Variants in SNAP91 observed in about 807,000 individuals in gnomAD.
SNAP91 encodes the protein synaptosome associated protein 91, also known as clathrin coat assembly protein AP180.
Under a neutral mutation model 100.3 loss-of-function variants are expected in SNAP91, and 27 were observed. That is an observed-to-expected ratio of 0.27 (90% CI 0.20 to 0.37). The LOEUF is 0.37. SNAP91 is among the 10% of genes least tolerant of loss of function. SNAP91 has a pLI of 1.00. For missense variants in SNAP91, 986 were observed against 1,123.7 expected (o/e 0.88, Z 1.75); for synonymous variants, 404 against 398.6 (o/e 1.01, Z -0.16).
chr6:83,560,030 T>C (rs1008538416), intron 28 of SNAP91, 74 bp downstream of exon 28: 1 of 1,296,420 alleles, frequency 7.7e-7, no homozygotes, highest in African/African-American at 1.5e-5. Context: ...AAACACTTTT[T>C]AAACAGTTTG....
At chr6:83,674,403 C>CA (rs1328707232) in intron 2 of SNAP91, among the ~76,000 whole-genome samples, 2 of 151,978 alleles carry the variant, frequency 1.3e-5, no homozygotes, top group Admixed American at 6.6e-5. Flanking sequence ...CACTGCACTC[C>CA]AGCCCGGGCG....
chr6:83,634,071 T>A (rs2097328190), intron 8 of SNAP91, among the ~76,000 whole-genome samples: 1 of 152,118 alleles, frequency 6.6e-6, no homozygotes, highest in African/African-American at 2.4e-5. Context: ...CTGCACGTTG[T>A]GCACATGTAC....
At chr6:83,607,532 T>C (rs879746555) in intron 13 of SNAP91, among the ~76,000 whole-genome samples, 167 bp downstream of exon 13, 5 of 152,190 alleles carry the variant, frequency 3.3e-5, no homozygotes, top group Non-Finnish European at 5.9e-5. Flanking sequence ...GTCTTTCTAA[T>C]GATTTAAGAG....
intron 22 of SNAP91, among the ~76,000 whole-genome samples, chr6:83,583,696 G>T (rs577182039): frequency 2.0e-5 from 3 of 152,178 alleles, no homozygotes; most frequent in Admixed American, 1.3e-4. Flanking sequence ...CAGCCACATT[G>T]TCTCTTCTTC....
chr6:83,637,734 CAAGAACCTGCACCAGCAT>C (rs1585035238), intron 8 of SNAP91, among the ~76,000 whole-genome samples: 2 of 152,222 alleles, frequency 1.3e-5, no homozygotes, highest in East Asian at 3.8e-4. Context: ...TACATTTGTA[CAAGAACCTGCACCAGCAT>C]AAGAACCTAA....
At position 83,601,368 on chromosome 6, in the gene SNAP91, G is replaced by GGTA; in HGVS notation, c.1224_1226dup (p.Thr409dup). 1.2e-6 allele frequency: 2 copies of GGTA among 1,613,588 alleles called. No individual in the cohort carries two copies. The highest frequency in any genetic ancestry group is 1.7e-6 in the Non-Finnish European group (2 of 1,179,768). ...CAATTTCAGCAGTTGTAGTAGGAGG[G>GGTA]GTAGGTTCTGGTGCAAATGGATCTG... is the stretch of plus-strand genomic sequence containing the variant. On this transcript the variant is annotated inframe_insertion, in exon 16 of 30. Coordinates refer to ENST00000369694, the MANE Select transcript of SNAP91 (RefSeq NM_001242792.2).
At chr6:83,586,678 T>A (rs1425636993) in intron 22 of SNAP91, among the ~76,000 whole-genome samples, 2 of 152,200 alleles carry the variant, frequency 1.3e-5, no homozygotes, top group Non-Finnish European at 2.9e-5. Flanking sequence ...TTTTATTATT[T>A]AAAAACTTAA....
At chr6:83,672,022 A>T (rs2098794477) in intron 2 of SNAP91, among the ~76,000 whole-genome samples, 1 of 152,128 alleles carries the variant, frequency 6.6e-6, no homozygotes, top group Non-Finnish European at 1.5e-5. Context: ...ACTGCTGTCC[A>T]TTTAATAAAA....
chr6:83,679,137 G>C (rs1043038759), intron 2 of SNAP91, among the ~76,000 whole-genome samples: 1 of 151,988 alleles, frequency 6.6e-6, no homozygotes, highest in Non-Finnish European at 1.5e-5. Flanking sequence ...ATTGTATTAG[G>C]TATTATAAGT....
chr6:83,588,981 A>G (rs2093317884), intron 22 of SNAP91, among the ~76,000 whole-genome samples: 1 of 152,170 alleles, frequency 6.6e-6, no homozygotes, highest in Admixed American at 6.5e-5. Context: ...GAGAGAAAGA[A>G]AGAATTCATA....
At chr6:83,669,490 T>C (rs1052803627) in intron 2 of SNAP91, among the ~76,000 whole-genome samples, 1 of 152,024 alleles carries the variant, frequency 6.6e-6, no homozygotes, top group East Asian at 1.9e-4. Context: ...AACAGCTTTA[T>C]TGAAGTATAG....
At chr6:83,575,955 T>C in intron 25 of SNAP91, 68 bp downstream of exon 25, 1 of 807,172 alleles carries the variant, frequency 1.2e-6, no homozygotes, top group Non-Finnish European at 2.0e-6. Context: ...ATGAGTAAAA[T>C]GGTTGATAGT....
chr6:83,585,530 T>TA (rs762315224), intron 22 of SNAP91, among the ~76,000 whole-genome samples: 155 of 49,746 alleles, frequency 3.1e-3, no homozygotes, highest in Middle Eastern at 0.023. Context: ...CCTTGTTGCT[T>TA]AAAAAAAAAA....
chr6:83,630,111 C>T (rs1464155201), intron 8 of SNAP91, among the ~76,000 whole-genome samples: 2 of 151,878 alleles, frequency 1.3e-5, no homozygotes, highest in African/African-American at 2.4e-5. Flanking sequence ...GAGATGATCA[C>T]GTGATTTTTA....
chr6:83,703,819 G>T (rs755371231), intron 2 of SNAP91, among the ~76,000 whole-genome samples: 6 of 152,144 alleles, frequency 3.9e-5, no homozygotes, highest in African/African-American at 1.2e-4. Context: ...AACCAAATTG[G>T]CTTTTCATAA....
At chr6:83,625,173 C>T (rs1028160069) in intron 8 of SNAP91, among the ~76,000 whole-genome samples, 5 of 152,042 alleles carry the variant, frequency 3.3e-5, no homozygotes, top group Admixed American at 2.6e-4. Context: ...AGTTCACTTA[C>T]GATAATGGCC....
chr6:83,565,585 A>G (rs1562116661), intron 26 of SNAP91, among the ~76,000 whole-genome samples: 1 of 152,134 alleles, frequency 6.6e-6, no homozygotes, highest in Non-Finnish European at 1.5e-5. Flanking sequence ...GATCAGTCCA[A>G]TGTTCACAGC....
At chr6:83,589,860 C>T (rs898862771) in intron 22 of SNAP91, among the ~76,000 whole-genome samples, 6 of 152,094 alleles carry the variant, frequency 3.9e-5, no homozygotes, top group Admixed American at 3.3e-4. Context: ...ACCACTAATC[C>T]AAGAATAAAT....
At chr6:83,590,958 G>GC (rs56833845) in intron 22 of SNAP91, among the ~76,000 whole-genome samples, 1 of 143,722 alleles carries the variant, frequency 7.0e-6, no homozygotes, top group African/African-American at 2.9e-5. Context: ...TTTTAGATTT[G>GC]GGGGGGCAAG....
Sources: gnomAD v4.1 joint callset for allele counts (sites outside exome capture counted in the v4.1 genomes callset) on GRCh38, gnomAD v4.1.1 for gene constraint, MANE v1.5 for transcripts, NCBI Gene and HGNC (gene_info 2026-07-23, HGNC 2026-07-21) for gene names.